The following MTUS1 variants were observed in gnomAD, a reference collection of about 807,000 sequenced individuals.
The protein encoded by MTUS1 is microtubule associated scaffold protein 1.
In MTUS1, 109 loss-of-function variants were observed where a neutral mutation model predicts 120.8. The ratio of observed to expected loss-of-function variants is 0.90; its 90% CI spans 0.77 to 1.06. MTUS1 has a LOEUF of 1.06. Among genes scored for constraint, MTUS1 ranks in the 50% least tolerant of loss-of-function variants. MTUS1 has a pLI of 0.00. For synonymous variants in MTUS1, 737 were observed against 550.5 expected (o/e 1.34, Z -4.74); for missense variants, 2,210 against 1,486.3 (o/e 1.49, Z -8.01).
intron 1 of MTUS1, among the ~76,000 whole-genome samples, chr8:17,764,898 G>A (rs924632732): frequency 2.0e-5 from 3 of 152,124 alleles, no homozygotes; most frequent in Admixed American, 1.3e-4. Context: ...GGAGGGGGAG[G>A]ATTCAAGCAT....
At chr8:17,663,736 C>T (rs1378729681) in intron 8 of MTUS1, among the ~76,000 whole-genome samples, 1 of 152,146 alleles carries the variant, frequency 6.6e-6, no homozygotes, top group Non-Finnish European at 1.5e-5. Context: ...GCTGGGATTA[C>T]AGGCATGCAC....
At chr8:17,673,506 C>G (rs1276703697) in intron 8 of MTUS1, among the ~76,000 whole-genome samples, 1 of 152,122 alleles carries the variant, frequency 6.6e-6, no homozygotes, top group Non-Finnish European at 1.5e-5. Context: ...GACTGGAGGG[C>G]AGCAGCACAA....
intron 13 of MTUS1, 75 bp from the exon 14 acceptor site, chr8:17,647,154 A>G: frequency 9.3e-7 from 1 of 1,070,498 alleles, no homozygotes; most frequent in Non-Finnish European, 1.4e-6. Context: ...GCACCTCACG[A>G]CACAAGCACA....
At chr8:17,659,563 G>A (rs1809218431) in intron 8 of MTUS1, among the ~76,000 whole-genome samples, 1 of 151,984 alleles carries the variant, frequency 6.6e-6, no homozygotes, top group Non-Finnish European at 1.5e-5. Context: ...GCGTGGTGGT[G>A]TGTGCCTGTA....
chr8:17,772,795 A>G (rs1347662935), intron 1 of MTUS1, among the ~76,000 whole-genome samples: 1 of 152,222 alleles, frequency 6.6e-6, no homozygotes, highest in Non-Finnish European at 1.5e-5. Flanking sequence ...TTTCTGAAAC[A>G]ATCACCTGTA....
chr8:17,663,402 C>G (rs527906017), intron 8 of MTUS1, among the ~76,000 whole-genome samples: 7 of 152,280 alleles, frequency 4.6e-5, no homozygotes, highest in African/African-American at 1.4e-4. Flanking sequence ...TGATACAGTG[C>G]TTTCCTAGTT....
At position 17,755,504 on chromosome 8, in the gene MTUS1, T is replaced by C. The variant is rs1211575985; in HGVS notation, c.304A>G (p.Ile102Val). ...CCTACAAGTGCAGGACACTGACAAATAGAATCTTTATGCATATCTAACACC... is the reference window on the plus strand; with the variant it reads ...CCTACAAGTGCAGGACACTGACAAACAGAATCTTTATGCATATCTAACACC... ...KQVLDMHKDSICQCPALVGTE... is the reference protein window; with the variant it reads ...KQVLDMHKDSVCQCPALVGTE... Residue 102 changes from isoleucine (I) to valine (V), a missense_variant, in exon 2 of 15, where the codon ATT (isoleucine) becomes GTT (valine). Transcript: ENST00000693296. 6 of 1,614,024 alleles carry C rather than the reference T, an allele frequency of 3.7e-6. No homozygotes were observed. Among genetic ancestry groups the C allele is most frequent in the Non-Finnish European group, 5.1e-6 (6 of 1,180,000 alleles).
intron 1 of MTUS1, among the ~76,000 whole-genome samples, chr8:17,791,579 A>G (rs931974150): frequency 2.0e-5 from 3 of 152,214 alleles, no homozygotes; most frequent in Admixed American, 6.5e-5. Context: ...ATCTACATTG[A>G]TTTTTTGAAA....
chr8:17,727,422 G>C (rs1000056845), intron 3 of MTUS1, among the ~76,000 whole-genome samples: 7 of 152,160 alleles, frequency 4.6e-5, no homozygotes, highest in African/African-American at 1.7e-4. Flanking sequence ...AAAAGTATGA[G>C]GCTTGGAGGC....
chr8:17,680,751 G>C (rs1463108942), intron 7 of MTUS1, among the ~76,000 whole-genome samples: 2 of 152,026 alleles, frequency 1.3e-5, no homozygotes, highest in African/African-American at 2.4e-5. Flanking sequence ...TTGCATGAGG[G>C]AAAAGTATCT....
At chr8:17,670,231 T>C (rs139298094) in intron 8 of MTUS1, among the ~76,000 whole-genome samples, 252 of 152,310 alleles carry the variant, frequency 1.7e-3, no homozygotes, top group African/African-American at 6.0e-3. Flanking sequence ...GGTCTGATTA[T>C]ACTGGACTGG....
At chr8:17,737,993 A>G (rs555479188) in intron 3 of MTUS1, among the ~76,000 whole-genome samples, 16 of 152,376 alleles carry the variant, frequency 1.1e-4, no homozygotes, top group African/African-American at 3.8e-4. Context: ...ATCAGTTTAC[A>G]TAAACCACGA....
At chr8:17,744,384 G>A (rs1023533971) in intron 2 of MTUS1, among the ~76,000 whole-genome samples, 1 of 151,970 alleles carries the variant, frequency 6.6e-6, no homozygotes, top group Non-Finnish European at 1.5e-5. Context: ...TATCTTAACC[G>A]AGACACTCCT....
chr8:17,753,716 C>G lies in MTUS1; in HGVS notation c.2091+1G>C. 6.3e-7 allele frequency: 1 copy of G among 1,583,190 alleles called. No individual in the cohort carries two copies. Among genetic ancestry groups the G allele is most frequent in the Non-Finnish European group, 8.6e-7 (1 of 1,166,860 alleles). On this transcript the variant is annotated splice_donor_variant, in intron 2 of 14. Coordinates refer to ENST00000693296, the MANE Select transcript of MTUS1 (RefSeq NM_001363059.2). LOFTEE classifies it high-confidence loss of function. ...GCAAAAAATATATATATATTACTTA[C>G]CAAAAACAGAGAACCATATTCAAAA...
intron 14 of MTUS1, among the ~76,000 whole-genome samples, chr8:17,646,599 T>TA (rs1805843569): frequency 6.6e-6 from 1 of 152,038 alleles, no homozygotes; most frequent in South Asian, 2.1e-4. Flanking sequence ...AAAAAATATA[T>TA]AATAATAACT....
chr8:17,699,839 C>T (rs1288026846), intron 6 of MTUS1, among the ~76,000 whole-genome samples: 2 of 152,204 alleles, frequency 1.3e-5, no homozygotes, highest in African/African-American at 4.8e-5. Context: ...CACTCTCTTA[C>T]ACACTTTACG....
intron 13 of MTUS1, among the ~76,000 whole-genome samples, chr8:17,649,325 T>G (rs1170156338): frequency 6.6e-6 from 1 of 152,312 alleles, no homozygotes; most frequent in East Asian, 1.9e-4. Flanking sequence ...CCTAAACTGC[T>G]GGCATTAGAG....
Position 17,754,004 on chromosome 8 carries a change from G to A in MTUS1, c.1804C>T (p.Pro602Ser), listed in dbSNP as rs1350511894. 7 of 1,614,058 alleles carry A rather than the reference G, an allele frequency of 4.3e-6. No individual in the cohort carries two copies. Among genetic ancestry groups the A allele is most frequent in the Non-Finnish European group, 5.9e-6 (7 of 1,180,050 alleles). Reference sequence around the variant, plus strand: ...GATTTCACGGCAGATGTTGTTCTTGGAACCCTGTGTGAAGCATTTTTAGAA... The same window carrying A: ...GATTTCACGGCAGATGTTGTTCTTGAAACCCTGTGTGAAGCATTTTTAGAA... ...THSKNASHRV[P>S]RTTSAVKSNQ... The change falls in exon 2 of 15, where the codon CCA becomes TCA. Residue 602 changes from proline to serine, a missense_variant. Coordinates refer to ENST00000693296, the MANE Select transcript of MTUS1 (RefSeq NM_001363059.2).
chr8:17,704,432 T>C (rs1012128299), intron 6 of MTUS1, among the ~76,000 whole-genome samples: 1 of 152,216 alleles, frequency 6.6e-6, no homozygotes, highest in Non-Finnish European at 1.5e-5. Flanking sequence ...TTAATCCATC[T>C]CGAGTTGATT....
Sources: allele counts gnomAD v4.1 joint callset (sites outside exome capture counted in the v4.1 genomes callset), GRCh38; gene constraint gnomAD v4.1.1; transcripts MANE v1.5; gene names NCBI Gene and HGNC (gene_info 2026-07-23, HGNC 2026-07-21).